PDE1A: variants seen among roughly 807,000 people sequenced by gnomAD.
PDE1A encodes phosphodiesterase 1A.
A neutral mutation model predicts 61.7 loss-of-function variants in PDE1A; 35 were observed. The observed-to-expected ratio is 0.57, with a 90% CI of 0.43 to 0.75. The LOEUF (loss-of-function observed/expected upper bound fraction) is 0.75. PDE1A is among the 30% of genes least tolerant of loss of function. The pLI, the probability that PDE1A is intolerant of heterozygous loss-of-function variation, is 0.00. For missense variants in PDE1A, 597 were observed against 630.6 expected, an observed-to-expected ratio of 0.95 and a Z score of 0.57; for synonymous variants, 232 against 213.2, an observed-to-expected ratio of 1.09 and a Z score of -0.77.
intron 2 of PDE1A, among the ~76,000 whole-genome samples, chr2:182,475,243 G>GA (rs969192987): frequency 6.6e-6 from 1 of 151,842 alleles, no homozygotes; most frequent in African/African-American, 2.4e-5. Flanking sequence ...GAGACCTCAG[G>GA]AAAAAAGACC....
At chr2:182,418,008 G>A (rs988971807) in intron 1 of PDE1A, among the ~76,000 whole-genome samples, 1 of 152,018 alleles carries the variant, frequency 6.6e-6, no homozygotes, top group Admixed American at 6.6e-5. Context: ...AATAGAAAAC[G>A]TTATCATAAA....
the PDE1A span, among the ~76,000 whole-genome samples, chr2:182,532,100 C>A: frequency 2.7e-5 from 3 of 111,504 alleles, no homozygotes; most frequent in Non-Finnish European, 6.1e-5. Flanking sequence ...TAAATCTTAA[C>A]ACCATTTTGG....
At chr2:182,225,107 T>C (rs1268138123) in intron 6 of PDE1A, among the ~76,000 whole-genome samples, 3 of 151,954 alleles carry the variant, frequency 2.0e-5, no homozygotes, top group East Asian at 1.9e-4. Flanking sequence ...TTGGTGGCAG[T>C]AGATCTTGGG....
intron 1 of PDE1A, among the ~76,000 whole-genome samples, chr2:182,414,637 A>C (rs1410792220): frequency 6.6e-6 from 1 of 152,150 alleles, no homozygotes; most frequent in Non-Finnish European, 1.5e-5. Context: ...GGCAGTGGGA[A>C]GGGGCAGCAT....
intron 2 of PDE1A, among the ~76,000 whole-genome samples, chr2:182,466,761 C>G (rs903220383): frequency 3.3e-5 from 5 of 151,944 alleles, no homozygotes; most frequent in Non-Finnish European, 7.4e-5. Context: ...AAAGAGCACA[C>G]AAATGGATCA....
At chr2:182,376,907 C>T (rs904614933) in intron 1 of PDE1A, among the ~76,000 whole-genome samples, 6 of 152,136 alleles carry the variant, frequency 3.9e-5, no homozygotes, top group African/African-American at 1.2e-4. Flanking sequence ...CCTGTTAAAA[C>T]CATCAGATTT....
chr2:182,322,399 T>C (rs1335745995), intron 1 of PDE1A, among the ~76,000 whole-genome samples: 1 of 152,190 alleles, frequency 6.6e-6, no homozygotes, highest in East Asian at 1.9e-4. Context: ...GTTTTTCCTG[T>C]ACTCTTCTCA....
intron 1 of PDE1A, among the ~76,000 whole-genome samples, chr2:182,402,075 T>C (rs1022023904): frequency 2.0e-5 from 3 of 152,112 alleles, no homozygotes; most frequent in African/African-American, 7.2e-5. Flanking sequence ...AAAGAATCAA[T>C]ATTGTGAAAA....
upstream of PDE1A, among the ~76,000 whole-genome samples, chr2:182,527,327 AATATATATATATATATATAT>A (rs201755672): frequency 0.036 from 741 of 20,694 alleles, 94 homozygotes; most frequent in African/African-American, 0.069. Context: ...AAAAAAAAAA[AATATATATATATATATATAT>A]ATATATATAT....
At chr2:182,404,662 T>A (rs893703052) in intron 1 of PDE1A, among the ~76,000 whole-genome samples, 3 of 152,210 alleles carry the variant, frequency 2.0e-5, no homozygotes, top group African/African-American at 7.2e-5. Context: ...TTTTTAAATA[T>A]TTTGTGTAAA....
At chr2:182,530,036 G>A in the PDE1A span, among the ~76,000 whole-genome samples, 742 of 152,252 alleles carry the variant, frequency 4.9e-3, 4 homozygotes, top group South Asian at 0.014. Context: ...CAATTAAGAC[G>A]ATTCCAGAAT....
chr2:182,514,475 G>A (rs1385750571), intron 2 of PDE1A, among the ~76,000 whole-genome samples: 4 of 151,882 alleles, frequency 2.6e-5, no homozygotes, highest in South Asian at 2.1e-4. Context: ...GTACAAAAAC[G>A]GACACATAGA....
chr2:182,398,539 G>A (rs984295392), intron 1 of PDE1A, among the ~76,000 whole-genome samples: 1 of 151,918 alleles, frequency 6.6e-6, no homozygotes, highest in Non-Finnish European at 1.5e-5. Flanking sequence ...GTTGAATTAA[G>A]ATTCCTTATA....
At chr2:182,444,195 T>TGCC (rs1684984672) in intron 2 of PDE1A, among the ~76,000 whole-genome samples, 2 of 152,150 alleles carry the variant, frequency 1.3e-5, no homozygotes, top group Non-Finnish European at 2.9e-5. Flanking sequence ...CCAAGAAGTT[T>TGCC]TAAGTTCCTT....
At chr2:182,638,924 C>A in the PDE1A span, among the ~76,000 whole-genome samples, 1 of 152,146 alleles carries the variant, frequency 6.6e-6, no homozygotes. Context: ...CTCAGAATTT[C>A]AGTGGTGAGA....
At chr2:182,173,420 A>T (rs1692425763) in intron 13 of PDE1A, among the ~76,000 whole-genome samples, 5 of 151,970 alleles carry the variant, frequency 3.3e-5, no homozygotes, top group Admixed American at 3.3e-4. Context: ...GAACTTCATG[A>T]TTCTTACCTT....
chr2:182,191,038 G>A (rs1462626307), intron 10 of PDE1A, among the ~76,000 whole-genome samples: 2 of 152,168 alleles, frequency 1.3e-5, no homozygotes, highest in South Asian at 4.1e-4. Flanking sequence ...TATTTATGAT[G>A]TCTAATGCAT....
chr2:182,468,721 G>T (rs1489919170), intron 2 of PDE1A, among the ~76,000 whole-genome samples: 1 of 151,930 alleles, frequency 6.6e-6, no homozygotes, highest in Non-Finnish European at 1.5e-5. Flanking sequence ...ACTATCTGTG[G>T]CAACTATAGC....
intron 1 of PDE1A, among the ~76,000 whole-genome samples, chr2:182,301,398 G>A (rs1695232688): frequency 6.6e-6 from 1 of 152,144 alleles, no homozygotes; most frequent in African/African-American, 2.4e-5. Context: ...GAACCAAAAA[G>A]TCAAACTATA....
Sources: gnomAD v4.1 joint callset for allele counts (sites outside exome capture counted in the v4.1 genomes callset) on GRCh38, gnomAD v4.1.1 for gene constraint, MANE v1.5 for transcripts, NCBI Gene and HGNC (gene_info 2026-07-23, HGNC 2026-07-21) for gene names.